CACNB2: variants seen among roughly 807,000 people sequenced by gnomAD.
CACNB2 encodes calcium voltage-gated channel auxiliary subunit beta 2.
Under a neutral mutation model 73.3 loss-of-function variants are expected in CACNB2, and 42 were observed. The observed-to-expected ratio is 0.57, with a 90% CI of 0.45 to 0.74. The LOEUF is 0.74. CACNB2 is among the 30% of genes least tolerant of loss of function. The pLI, the probability that CACNB2 is intolerant of heterozygous loss-of-function variation, is 0.00. For synonymous variants in CACNB2, 348 were observed against 310.3 expected, an observed-to-expected ratio of 1.12 and a Z score of -1.28; for missense variants, 940 against 853.0, an observed-to-expected ratio of 1.10 and a Z score of -1.27.
chr10:18,470,608 T>C (rs7076100), intron 3 of CACNB2, among the ~76,000 whole-genome samples: 3 of 151,768 alleles, frequency 2.0e-5, no homozygotes, highest in African/African-American at 7.3e-5. Flanking sequence ...TCAGTTGCAT[T>C]GCATGGAGCC....
intron 2 of CACNB2, among the ~76,000 whole-genome samples, chr10:18,288,696 CACACACACAG>C (rs1257020222): frequency 6.6e-6 from 1 of 151,858 alleles, no homozygotes; most frequent in African/African-American, 2.4e-5. Context: ...CACACACACA[CACACACACAG>C]AGATACCCAG....
intron 2 of CACNB2, among the ~76,000 whole-genome samples, chr10:18,242,385 A>G (rs947942716): frequency 6.6e-6 from 1 of 152,220 alleles, no homozygotes; most frequent in Admixed American, 6.5e-5. Flanking sequence ...AAAACAAATC[A>G]TAATTAGAAT....
At chr10:18,424,483 G>T (rs1219515269) in intron 3 of CACNB2, among the ~76,000 whole-genome samples, 1 of 152,122 alleles carries the variant, frequency 6.6e-6, no homozygotes, top group Non-Finnish European at 1.5e-5. Flanking sequence ...TGGCACACTG[G>T]TGGGCGTGTC....
chr10:18,280,033 C>T (rs997299172), intron 2 of CACNB2, among the ~76,000 whole-genome samples: 1 of 152,164 alleles, frequency 6.6e-6, no homozygotes, highest in Non-Finnish European at 1.5e-5. Context: ...GAGCCGAGAT[C>T]GCACTGCTGC....
intron 2 of CACNB2, among the ~76,000 whole-genome samples, chr10:18,324,174 A>G (rs1159043817): frequency 6.6e-6 from 1 of 152,228 alleles, no homozygotes; most frequent in Admixed American, 6.5e-5. Flanking sequence ...TCTGTTCATG[A>G]GGAGCTTCGG....
intron 3 of CACNB2, among the ~76,000 whole-genome samples, chr10:18,492,327 A>G (rs1166627581): frequency 6.6e-6 from 1 of 152,212 alleles, no homozygotes; most frequent in Non-Finnish European, 1.5e-5. Flanking sequence ...CAAAGTGAAT[A>G]TGGGAAAACC....
At chr10:18,461,986 C>T (rs2047605575) in intron 3 of CACNB2, among the ~76,000 whole-genome samples, 2 of 152,030 alleles carry the variant, frequency 1.3e-5, no homozygotes, top group Non-Finnish European at 2.9e-5. Flanking sequence ...TGGTTGTTCA[C>T]TTATTTTAGG....
At chr10:18,407,622 T>A (rs762134290) in intron 3 of CACNB2, among the ~76,000 whole-genome samples, 6 of 152,092 alleles carry the variant, frequency 3.9e-5, no homozygotes, top group Non-Finnish European at 8.8e-5. Flanking sequence ...TTGGAATAAT[T>A]TCTTCCCCTA....
At position 18,500,885 on chromosome 10, in the gene CACNB2, T is replaced by G; in HGVS notation, c.530T>G (p.Val177Gly). 6.2e-7 allele frequency: 1 copy of G among 1,614,028 alleles called. No homozygotes were observed. Among genetic ancestry groups the G allele is most frequent in the Non-Finnish European group, 8.5e-7 (1 of 1,179,942 alleles). ...GAAATCGGATTCATTCCAAGCCCAGTCAAACTAGAAAACATGAGGCTGCAG... is the reference window on the plus strand; with the variant it reads ...GAAATCGGATTCATTCCAAGCCCAGGCAAACTAGAAAACATGAGGCTGCAG... ...GCEIGFIPSP[V>G]KLENMRLQHE... The change falls in exon 5 of 14, where the codon GTC becomes GGC. Residue 177 changes from valine (V) to glycine (G), a missense_variant. Coordinates refer to ENST00000324631, the MANE Select transcript of CACNB2 (RefSeq NM_201596.3).
intron 2 of CACNB2, among the ~76,000 whole-genome samples, chr10:18,308,445 A>G (rs1464935932): frequency 1.3e-5 from 2 of 152,048 alleles, no homozygotes; most frequent in Admixed American, 6.5e-5. Context: ...CGATTTTTCA[A>G]TCCTCACTCT....
rs368473992 is a variant in CACNB2, at chr10:18,538,374, A to G, written c.1488+9A>G. 4.3e-5 allele frequency: 69 copies of G among 1,611,616 alleles called. 1 individual carries two copies. In the African/African-American group the frequency reaches 8.8e-4, roughly 21 times the overall value. On this transcript the variant is annotated intron_variant, in intron 13 of 13. Transcript: ENST00000324631. ...TAGCCTCTAATTCACAGGTAAGGGGAGTTTTTATATATATCTATATATACA... is the reference window on the plus strand; with the variant it reads ...TAGCCTCTAATTCACAGGTAAGGGGGGTTTTTATATATATCTATATATACA...
chr10:18,539,240 G>A lies in CACNB2; in HGVS notation c.1499G>A (p.Gly500Asp), dbSNP rs758466725. ...TLASNSQGSQ[G>D]DQRTDRSAPI... The stretch of plus-strand genomic sequence containing the variant: ...TCCTTTCGCTGCCAGGGTTCTCAAG[G>A]TGATCAGAGGACTGATCGCTCCGCT... Residue 500 changes from glycine to aspartate, a missense_variant, in exon 14 of 14, where the codon GGT (glycine) becomes GAT (aspartate). By Grantham distance (94) the Gly-to-Asp change is moderately conservative (BLOSUM62 -1). Transcript: ENST00000324631. 7 of 1,613,992 alleles carry A rather than the reference G, an allele frequency of 4.3e-6. No homozygotes were observed. The East Asian group carries it at 1.6e-4, about 36-fold the overall frequency.
At chr10:18,251,268 G>A (rs1422545360) in intron 2 of CACNB2, among the ~76,000 whole-genome samples, 1 of 149,768 alleles carries the variant, frequency 6.7e-6, no homozygotes, top group Non-Finnish European at 1.5e-5. Flanking sequence ...TTTTTGAGAT[G>A]GAGTTTCACT....
At chr10:18,256,647 A>T (rs921522718) in intron 2 of CACNB2, 2 of 152,194 alleles carry the variant, frequency 1.3e-5, no homozygotes, top group African/African-American at 4.8e-5. Context: ...GTGCTTTTAA[A>T]ATCCATGTTT....
chr10:18,218,992 T>C (rs562642776), intron 2 of CACNB2, among the ~76,000 whole-genome samples: 1 of 152,278 alleles, frequency 6.6e-6, no homozygotes, highest in African/African-American at 2.4e-5. Context: ...GGAGAAACCC[T>C]GTCTCTACAA....
chr10:18,290,875 A>G lies in CACNB2; in HGVS notation c.214-111049A>G, dbSNP rs569348032. On this transcript the variant is annotated intron_variant, in intron 2 of 13. Coordinates refer to ENST00000324631, the MANE Select transcript of CACNB2 (RefSeq NM_201596.3). ...ATCTGCGCTGTTAATCTAGATTGAC[A>G]GGAGGTAAAAGGAGAGGAACGCAAG... Among the ~76,000 whole-genome samples the G allele has an allele frequency of 2.6e-5, 4 of 152,378 alleles. No individual in the cohort carries two copies. The East Asian group carries it at 7.7e-4, about 29-fold the overall frequency.
intron 2 of CACNB2, among the ~76,000 whole-genome samples, chr10:18,301,837 C>CA (rs1554788525): frequency 4.6e-5 from 7 of 151,724 alleles, no homozygotes; most frequent in Non-Finnish European, 1.0e-4. Context: ...TTAGTAGAGA[C>CA]GGGGTTTCAC....
At chr10:18,163,566 G>A (rs551980349) in intron 2 of CACNB2, among the ~76,000 whole-genome samples, 1 of 152,286 alleles carries the variant, frequency 6.6e-6, no homozygotes, top group African/African-American at 2.4e-5. Flanking sequence ...GTTGGCCTCA[G>A]GCAGGGCCGC....
intron 2 of CACNB2, among the ~76,000 whole-genome samples, chr10:18,269,755 T>C (rs990029849): frequency 1.3e-5 from 2 of 152,184 alleles, no homozygotes; most frequent in Non-Finnish European, 2.9e-5. Context: ...TTCCTCCCTC[T>C]CTCTGCTCCT....
Sources: gnomAD v4.1 joint callset for allele counts (sites outside exome capture counted in the v4.1 genomes callset) on GRCh38, gnomAD v4.1.1 for gene constraint, MANE v1.5 for transcripts, NCBI Gene and HGNC (gene_info 2026-07-23, HGNC 2026-07-21) for gene names.